The following TENT5D variants were observed in gnomAD, a reference collection of about 807,000 sequenced individuals.
The protein encoded by TENT5D is cancer/testis antigen 112.
For synonymous variants in TENT5D, 103 were observed against 100.6 expected, an observed-to-expected ratio of 1.02 and a Z score of -0.15; for missense variants, 191 against 287.0, an observed-to-expected ratio of 0.67 and a Z score of 2.42.
chrX:80,345,143 CG>C (rs1400287155), intron 3 of TENT5D, among the ~76,000 whole-genome samples: 4 of 111,771 alleles, frequency 3.6e-5, no homozygotes, highest in Non-Finnish European at 3.8e-5. Flanking sequence ...AAAGTTGGAA[CG>C]TTTTTTATTC....
At position 80,427,127 on chromosome X, in the gene TENT5D, A is replaced by G. The variant is rs765714192; in HGVS notation, c.-142+6564A>G. On this transcript the variant is annotated intron_variant, in intron 1 of 2. Coordinates refer to ENST00000308293, the Ensembl canonical transcript of TENT5D. ...TCTTCTCAATCTCAGGTATGCCTTT[A>G]TCAGAAGCATGAAAACAGACTAATA... 3.6e-5 allele frequency among the ~76,000 whole-genome samples: 4 copies of G among 112,057 alleles called. No homozygotes were observed. In the East Asian group the frequency reaches 1.1e-3, roughly 31 times the overall value.
intron 3 of TENT5D, among the ~76,000 whole-genome samples, chrX:80,398,524 C>T (rs1386885296): frequency 1.8e-5 from 2 of 109,792 alleles, no homozygotes; most frequent in East Asian, 5.7e-4. Context: ...TTCTTTCAGT[C>T]GTTTTATCAT....
At chrX:80,378,981 C>G (rs1312810235) in intron 3 of TENT5D, among the ~76,000 whole-genome samples, 1 of 108,756 alleles carries the variant, frequency 9.2e-6, no homozygotes, top group African/African-American at 3.4e-5. Flanking sequence ...TTTGCCCATT[C>G]ATTATGATAT....
intron 3 of TENT5D, among the ~76,000 whole-genome samples, chrX:80,399,622 T>G (rs1931353583): frequency 8.9e-6 from 1 of 112,170 alleles, no homozygotes; most frequent in Admixed American, 9.4e-5. Flanking sequence ...AAAAAGAATT[T>G]TAAAACTATT....
At chrX:80,366,244 A>G (rs1930509914) in intron 3 of TENT5D, among the ~76,000 whole-genome samples, 1 of 69,604 alleles carries the variant, frequency 1.4e-5, no homozygotes, top group Non-Finnish European at 2.7e-5. Flanking sequence ...TGTGTGTTCC[A>G]TATGGACTTA....
chrX:80,378,618 G>A (rs1454799981), intron 3 of TENT5D, among the ~76,000 whole-genome samples: 1 of 110,985 alleles, frequency 9.0e-6, no homozygotes, highest in African/African-American at 3.3e-5. Context: ...TGAGGCCTTG[G>A]TTCTGTTCCA....
Position 80,380,371 on chromosome X carries a change from G to A in TENT5D, c.-142+37807G>A, listed in dbSNP as rs763765420. On this transcript the variant is annotated intron_variant, in intron 3 of 4. Transcript: ENST00000538312. ...TCTTACATTTCCTGAGGAGTGCTTT[G>A]CTTCCAACTATGTGGTCAGTTTTGG... Among the ~76,000 whole-genome samples the A allele has an allele frequency of 6.3e-5, 7 of 110,844 alleles. No homozygotes were observed. The East Asian group carries it at 2.0e-3, about 32-fold the overall frequency.
At chrX:80,411,066 G>A (rs1931651954) in intron 3 of TENT5D, among the ~76,000 whole-genome samples, 1 of 91,555 alleles carries the variant, frequency 1.1e-5, no homozygotes, top group South Asian at 6.2e-4. Context: ...GACACAGGAA[G>A]GGGAACATCA....
chrX:80,416,387 G>GT (rs1931779300), upstream of TENT5D, among the ~76,000 whole-genome samples: 1 of 97,398 alleles, frequency 1.0e-5, no homozygotes, highest in Admixed American at 1.1e-4. Context: ...TATGTTAGTT[G>GT]GTTTTTTTTT....
rs985587370 is a variant in TENT5D at position 80,389,182 on chromosome X, T to C, written c.-142+46618T>C. Among the ~76,000 whole-genome samples, 4 of 111,915 alleles carry C rather than the reference T, an allele frequency of 3.6e-5. No homozygotes were observed. The Admixed American group carries it at 3.8e-4, about 11-fold the overall frequency. On this transcript the variant is annotated intron_variant, in intron 3 of 4. Transcript: ENST00000538312. ...CTCTTCAGTGCCTGTCTCAGTGATATTAAGACCAGATACTGTGATCACTCA... is the reference window on the plus strand; with the variant it reads ...CTCTTCAGTGCCTGTCTCAGTGATACTAAGACCAGATACTGTGATCACTCA...
At chrX:80,349,471 G>A (rs879043547) in intron 3 of TENT5D, among the ~76,000 whole-genome samples, 2 of 111,244 alleles carry the variant, frequency 1.8e-5, no homozygotes, top group Non-Finnish European at 3.8e-5. Flanking sequence ...ATTATCTGAT[G>A]GTAGTTTGTA....
At chrX:80,396,700 G>A (rs1198702021) in intron 3 of TENT5D, among the ~76,000 whole-genome samples, 4 of 104,806 alleles carry the variant, frequency 3.8e-5, no homozygotes, top group African/African-American at 1.0e-4. Flanking sequence ...GCAACCATCC[G>A]ATTTCTCAAT....
chrX:80,349,872 A>G (rs1221781074), intron 3 of TENT5D, among the ~76,000 whole-genome samples: 1 of 111,023 alleles, frequency 9.0e-6, no homozygotes, highest in African/African-American at 3.3e-5. Context: ...GTTGGTTTCA[A>G]AGAACTTCAT....
intron 3 of TENT5D, among the ~76,000 whole-genome samples, chrX:80,393,670 C>A (rs1259650808): frequency 1.8e-5 from 2 of 111,647 alleles, no homozygotes; most frequent in African/African-American, 6.5e-5. Flanking sequence ...TTCCTCTTAT[C>A]TAACTGAGAC....
At chrX:80,350,386 C>A (rs947226823) in intron 3 of TENT5D, among the ~76,000 whole-genome samples, 4 of 111,515 alleles carry the variant, frequency 3.6e-5, no homozygotes, top group African/African-American at 1.3e-4. Context: ...GCATTGACCC[C>A]TTTTCCATTA....
chrX:80,388,175 C>T (rs779323585), intron 3 of TENT5D, among the ~76,000 whole-genome samples: 5 of 110,866 alleles, frequency 4.5e-5, no homozygotes, highest in South Asian at 3.9e-4. Context: ...GCTGTCCAAG[C>T]GCCAAGGCCT....
intron 3 of TENT5D, among the ~76,000 whole-genome samples, chrX:80,357,410 C>T (rs1930307048): frequency 9.2e-6 from 1 of 108,373 alleles, no homozygotes; most frequent in African/African-American, 3.4e-5. Flanking sequence ...TCTCCACATC[C>T]TCTCCAGCAC....
chrX:80,342,415 A>G (rs1929978175), intron 2 of TENT5D: 1 of 112,238 alleles, frequency 8.9e-6, no homozygotes, highest in Admixed American at 9.5e-5. Flanking sequence ...TTTCTAAGTC[A>G]GGTCCTAAAC....
chrX:80,439,455 C>A (rs1379352250), intron 2 of TENT5D, among the ~76,000 whole-genome samples: 8 of 111,122 alleles, frequency 7.2e-5, no homozygotes, highest in Non-Finnish European at 1.3e-4. Context: ...TTCTGATGTG[C>A]TGTTTTTGAT....
Sources: allele counts gnomAD v4.1 joint callset (sites outside exome capture counted in the v4.1 genomes callset), GRCh38; gene constraint gnomAD v4.1.1; transcripts MANE v1.5; gene names NCBI Gene and HGNC (gene_info 2026-07-23, HGNC 2026-07-21).